The following FAM184B variants were observed in gnomAD, a reference collection of about 807,000 sequenced individuals.
The protein encoded by FAM184B is family with sequence similarity 184 member B, also known as protein FAM184B.
FAM184B carries 111 observed loss-of-function variants against 135.9 expected under a neutral mutation model. The observed-to-expected ratio is 0.82, with a 90% CI of 0.70 to 0.96. The LOEUF (loss-of-function observed/expected upper bound fraction) is 0.96. Ranked by LOEUF, FAM184B falls within the 40% of genes least tolerant of loss-of-function variation. The pLI is 0.00. For synonymous variants in FAM184B, 552 were observed against 524.8 expected (o/e 1.05, Z -0.71); for missense variants, 1,375 against 1,323.9 (o/e 1.04, Z -0.60).
At chr4:17,742,168 A>AT (rs869228150) in intron 1 of FAM184B, among the ~76,000 whole-genome samples, 24 of 109,306 alleles carry the variant, frequency 2.2e-4, no homozygotes, top group African/African-American at 9.1e-4. Context: ...ATATATATAT[A>AT]TTTTTTTTTT....
intron 1 of FAM184B, among the ~76,000 whole-genome samples, chr4:17,731,350 G>A (rs199559645): frequency 7.2e-5 from 11 of 152,260 alleles, no homozygotes; most frequent in African/African-American, 2.6e-4. Flanking sequence ...ATGTAAATGG[G>A]CTAAATGCTC....
At chr4:17,752,426 G>T (rs748279610) in intron 1 of FAM184B, among the ~76,000 whole-genome samples, 3 of 152,052 alleles carry the variant, frequency 2.0e-5, no homozygotes, top group Non-Finnish European at 4.4e-5. Flanking sequence ...TCAATGAGTG[G>T]GTGGGATAGC....
chr4:17,726,748 G>GT (rs1717651678), intron 1 of FAM184B, among the ~76,000 whole-genome samples: 1 of 152,086 alleles, frequency 6.6e-6, no homozygotes, highest in Non-Finnish European at 1.5e-5. Flanking sequence ...TTCCTTGGTA[G>GT]GCTCTTGACA....
intron 5 of FAM184B, among the ~76,000 whole-genome samples, chr4:17,696,025 C>T (rs923330588): frequency 6.6e-6 from 1 of 152,210 alleles, no homozygotes; most frequent in African/African-American, 2.4e-5. Flanking sequence ...GAGCAGCTCT[C>T]CTAGGCTGTC....
chr4:17,647,550 C>T, intron 12 of FAM184B, 87 bp downstream of exon 12: 1 of 1,451,088 alleles, frequency 6.9e-7, no homozygotes, highest in African/African-American at 1.4e-5. Context: ...CACTCAGCCT[C>T]AGAGCCCATC....
intron 7 of FAM184B, among the ~76,000 whole-genome samples, chr4:17,674,853 C>A (rs1121089): frequency 0.53 from 80,699 of 152,060 alleles, 23,524 homozygotes; most frequent in East Asian, 0.82. Context: ...GAGATTGCAG[C>A]AATTCAGTCA....
At chr4:17,641,968 C>T in intron 13 of FAM184B, 88 bp downstream of exon 13, 1 of 1,442,004 alleles carries the variant, frequency 6.9e-7, no homozygotes, top group East Asian at 2.7e-5. Context: ...TTTCAGGTCT[C>T]AGGCTCAGCC....
intron 16 of FAM184B, chr4:17,634,210 T>A (rs1715056790): frequency 4.8e-6 from 1 of 207,570 alleles, no homozygotes; most frequent in Admixed American, 5.9e-5. Context: ...CAAATGCATT[T>A]ATTTAAATTT....
At chr4:17,687,401 C>T (rs1317303632) in intron 7 of FAM184B, among the ~76,000 whole-genome samples, 1 of 152,114 alleles carries the variant, frequency 6.6e-6, no homozygotes, top group Non-Finnish European at 1.5e-5. Flanking sequence ...GGTACTCAAG[C>T]GCCCACTTCA....
chr4:17,765,981 C>G (rs1312390185), intron 1 of FAM184B, among the ~76,000 whole-genome samples: 2 of 152,244 alleles, frequency 1.3e-5, no homozygotes, highest in African/African-American at 2.4e-5. Flanking sequence ...TTCATTCCCC[C>G]CGGCAGGTTC....
At chr4:17,762,144 T>C (rs1482192757) in intron 1 of FAM184B, among the ~76,000 whole-genome samples, 1 of 152,336 alleles carries the variant, frequency 6.6e-6, no homozygotes, top group East Asian at 1.9e-4. Context: ...TACCGATGAA[T>C]GGAAGTATCC....
chr4:17,639,666 G>C (rs1257419358), intron 13 of FAM184B, among the ~76,000 whole-genome samples: 1 of 152,110 alleles, frequency 6.6e-6, no homozygotes, highest in East Asian at 1.9e-4. Context: ...AAGTGATGGA[G>C]AGCAGCCCTG....
chr4:17,726,131 A>G (rs939156849), intron 1 of FAM184B, among the ~76,000 whole-genome samples: 3 of 151,744 alleles, frequency 2.0e-5, no homozygotes, highest in Non-Finnish European at 2.9e-5. Context: ...TCACTGTGTT[A>G]GCCAGGATGG....
At chr4:17,691,695 A>T (rs1716740812) in intron 6 of FAM184B, among the ~76,000 whole-genome samples, 1 of 151,158 alleles carries the variant, frequency 6.6e-6, no homozygotes, top group South Asian at 2.1e-4. Context: ...CAAAAAAAAA[A>T]AAAAAAAGAA....
chr4:17,707,220 A>G (rs1334955639), intron 3 of FAM184B, among the ~76,000 whole-genome samples: 4 of 152,184 alleles, frequency 2.6e-5, no homozygotes, highest in Admixed American at 2.6e-4. Context: ...TACAGGCATG[A>G]GCCACCATCA....
intron 1 of FAM184B, among the ~76,000 whole-genome samples, chr4:17,731,209 C>T (rs1425100666): frequency 6.6e-6 from 1 of 152,076 alleles, no homozygotes; most frequent in African/African-American, 2.4e-5. Context: ...CCGGTACCAG[C>T]CACTGCAAAA....
intron 1 of FAM184B, among the ~76,000 whole-genome samples, chr4:17,744,461 T>TCTCA (rs1553841922): frequency 5.0e-5 from 7 of 140,878 alleles, no homozygotes; most frequent in East Asian, 2.2e-4. Flanking sequence ...TCTCTCTCTC[T>TCTCA]CACACACACA....
intron 1 of FAM184B, among the ~76,000 whole-genome samples, chr4:17,733,529 T>C (rs1489905641): frequency 3.9e-5 from 6 of 152,164 alleles, no homozygotes; most frequent in South Asian, 2.1e-4. Context: ...AGCATTCTTA[T>C]ACACCAGTAA....
intron 5 of FAM184B, among the ~76,000 whole-genome samples, chr4:17,701,121 G>C (rs1330731967): frequency 6.6e-6 from 1 of 152,208 alleles, no homozygotes. Context: ...TGTTTGACTA[G>C]ATCTTGTCCT....
Sources: gnomAD v4.1 joint callset for allele counts (sites outside exome capture counted in the v4.1 genomes callset) on GRCh38, gnomAD v4.1.1 for gene constraint, MANE v1.5 for transcripts, NCBI Gene and HGNC (gene_info 2026-07-23, HGNC 2026-07-21) for gene names.